PCDHGA2: variants seen among roughly 807,000 people sequenced by gnomAD.
PCDHGA2 encodes protocadherin gamma subfamily A, 2.
PCDHGA2 carries 40 observed loss-of-function variants against 59.2 expected under a neutral mutation model. That is an observed-to-expected ratio of 0.68 (90% CI 0.52 to 0.88). The LOEUF (loss-of-function observed/expected upper bound fraction) is 0.88. Among genes scored for constraint, PCDHGA2 ranks in the 40% least tolerant of loss-of-function variants. The probability of loss-of-function intolerance (pLI) is 0.00; values close to 1 mark genes in which losing one functional copy is unlikely to be tolerated. For missense variants in PCDHGA2, 1,226 were observed against 1,204.0 expected (o/e 1.02, Z -0.27); for synonymous variants, 560 against 526.0 (o/e 1.06, Z -0.89).
intron 1 of PCDHGA2, chr5:141,389,279 T>C: frequency 6.2e-7 from 1 of 1,614,016 alleles, no homozygotes; most frequent in Non-Finnish European, 8.5e-7. Context: ...ACAACCCGCC[T>C]GGAGCCTCTA....
chr5:141,442,414 ACTT>A (rs1258523193), intron 1 of PCDHGA2: 2 of 152,190 alleles, frequency 1.3e-5, no homozygotes, highest in Non-Finnish European at 2.9e-5. Flanking sequence ...GGCTGAGTGA[ACTT>A]CTTTTTTGAA....
chr5:141,355,783 G>T, intron 1 of PCDHGA2: 2 of 1,613,802 alleles, frequency 1.2e-6, no homozygotes, highest in Non-Finnish European at 1.7e-6. Flanking sequence ...CCCAGAGCTG[G>T]TGCTGGAACG....
At chr5:141,380,946 C>T (rs555019785) in intron 1 of PCDHGA2, among the ~76,000 whole-genome samples, 2 of 152,210 alleles carry the variant, frequency 1.3e-5, no homozygotes, top group African/African-American at 2.4e-5. Flanking sequence ...CTTGCCTCAA[C>T]AAGAAGTTCA....
In PCDHGA2 at chr5:141,340,607, G is replaced by A. The variant is rs1756964137; in HGVS notation, c.1636G>A (p.Val546Ile). The change falls in exon 1 of 4, where the codon GTA (valine) becomes ATA (isoleucine). Residue 546 changes from valine to isoleucine, a missense_variant. By Grantham distance (29) the Val-to-Ile change is conservative. Coordinates refer to ENST00000394576, the MANE Select transcript of PCDHGA2 (RefSeq NM_018915.4). ...CGGGAACCCTCCACTCAGTAGCAAT[G>A]TATCATTAAGCCTGTTCGTGCTGGA... Reference protein sequence around the residue: ...DSGNPPLSSNVSLSLFVLDQN... With the variant: ...DSGNPPLSSNISLSLFVLDQN... The A allele has an allele frequency of 6.2e-7, 1 of 1,614,222 alleles. No homozygotes were observed. Among genetic ancestry groups the A allele is most frequent in the East Asian group, 2.2e-5 (1 of 44,862 alleles).
At chr5:141,430,846 C>A in intron 1 of PCDHGA2, 1 of 1,576,344 alleles carries the variant, frequency 6.3e-7, no homozygotes, top group South Asian at 1.2e-5. Context: ...CCGGATGCAC[C>A]CAGATACGCT....
chr5:141,487,475 C>A lies in PCDHGA2; in HGVS notation c.2425-7332C>A. 6.2e-7 allele frequency: 1 copy of A among 1,614,156 alleles called. No individual in the cohort carries two copies. The highest frequency in any genetic ancestry group is 8.5e-7 in the Non-Finnish European group (1 of 1,180,032). On this transcript the variant is annotated intron_variant, in intron 1 of 3. Transcript: ENST00000394576. This position sits in a 1 kb window ranked among gnomAD's most constrained non-coding sequence, Gnocchi z 5.0. ...TATCAAGTTTGTTGATGTGGGAGGC[C>A]ACTCTCATGGCTGTACACCCTTGGC...
In PCDHGA2 at chr5:141,371,998, G is replaced by T. The variant is rs893704391; in HGVS notation, c.2424+30603G>T. ...GCCTTCGAGCTCACTCTGCAGGCCCGCGACCAGGGCTCGCCTACGCTCAGC... is the reference window on the plus strand; with the variant it reads ...GCCTTCGAGCTCACTCTGCAGGCCCTCGACCAGGGCTCGCCTACGCTCAGC... On this transcript the variant is annotated intron_variant, in intron 1 of 3. Transcript: ENST00000394576. The T allele has an allele frequency of 3.1e-6, 5 of 1,613,148 alleles. No homozygotes were observed. In the African/African-American group the frequency reaches 6.7e-5, roughly 22 times the overall value.
At chr5:141,388,471 T>C (rs758013989) in intron 1 of PCDHGA2, 1 of 1,613,844 alleles carries the variant, frequency 6.2e-7, no homozygotes, top group South Asian at 1.1e-5. Context: ...GAGATGGTAT[T>C]GAAGACACCT....
chr5:141,340,760 G>C lies in PCDHGA2; in HGVS notation c.1789G>C (p.Asp597His), dbSNP rs1449752079. 6.2e-7 allele frequency: 1 copy of C among 1,613,890 alleles called. No homozygotes were observed. The highest frequency in any genetic ancestry group is 8.5e-7 in the Non-Finnish European group (1 of 1,180,052). The change falls in exon 1 of 4, where the codon GAC (aspartate) becomes CAC (histidine). Residue 597 changes from aspartate to histidine, a missense_variant. By Grantham distance (81) the Asp-to-His change is moderately conservative. Coordinates refer to ENST00000394576, the MANE Select transcript of PCDHGA2 (RefSeq NM_018915.4). ...GACCAAGGTGGTGGCGGTGGACAGA[G>C]ACTCGGGCCAGAACGCCTGGCTGTC... Reference protein sequence around the residue: ...LVTKVVAVDRDSGQNAWLSYH... With the variant: ...LVTKVVAVDRHSGQNAWLSYH...
Position 141,339,355 on chromosome 5 carries a change from T to A in PCDHGA2, c.384T>A (p.Asp128Glu), listed in dbSNP as rs1196465666. ...SVEVEITDIN[D>E]NAPRFGVEEL... ...AGGTGGAAATAACAGATATTAACGATAATGCCCCTCGCTTTGGAGTAGAGG... is the reference window on the plus strand; with the variant it reads ...AGGTGGAAATAACAGATATTAACGAAAATGCCCCTCGCTTTGGAGTAGAGG... Residue 128 changes from aspartate (D) to glutamate (E), a missense_variant, in exon 1 of 4, where the codon GAT (aspartate) becomes GAA (glutamate). Asp to Glu is a conservative substitution (Grantham distance 45). Transcript: ENST00000394576. The A allele has an allele frequency of 6.2e-7, 1 of 1,614,088 alleles. No individual in the cohort carries two copies. Among genetic ancestry groups the A allele is most frequent in the Non-Finnish European group, 8.5e-7 (1 of 1,180,026 alleles).
At chr5:141,371,321 T>C (rs1767663616) in intron 1 of PCDHGA2, 4 of 1,613,816 alleles carry the variant, frequency 2.5e-6, no homozygotes, top group Non-Finnish European at 3.4e-6. Context: ...AACTGGACTT[T>C]GAAGAGAGAG....
chr5:141,385,520 G>A, intron 1 of PCDHGA2: 1 of 1,359,080 alleles, frequency 7.4e-7, no homozygotes, highest in African/African-American at 1.5e-5. Flanking sequence ...GAAAGCCTAT[G>A]GACAAGATTA....
chr5:141,359,010 G>A (rs1338190636), intron 1 of PCDHGA2, among the ~76,000 whole-genome samples: 1 of 152,238 alleles, frequency 6.6e-6, no homozygotes, highest in Admixed American at 6.5e-5. Context: ...ACAAATTAGT[G>A]TAATTTGATA....
chr5:141,385,150 C>A (rs1780929292), intron 1 of PCDHGA2: 1 of 1,614,104 alleles, frequency 6.2e-7, no homozygotes, highest in South Asian at 1.1e-5. Flanking sequence ...GGCTTTCCTG[C>A]AGACCTATTC....
intron 1 of PCDHGA2, chr5:141,478,636 T>G: frequency 1.3e-6 from 2 of 1,552,744 alleles, no homozygotes; most frequent in South Asian, 2.4e-5. Flanking sequence ...TTTTTAGTGA[T>G]GAAGATGTTT....
intron 1 of PCDHGA2, among the ~76,000 whole-genome samples, chr5:141,347,421 C>T (rs775475714): frequency 1.3e-5 from 2 of 152,048 alleles, no homozygotes; most frequent in Non-Finnish European, 2.9e-5. Flanking sequence ...TCCCAAAGTA[C>T]TGCGATTAGA....
intron 1 of PCDHGA2, chr5:141,345,634 C>G (rs775510751): frequency 1.9e-6 from 3 of 1,614,208 alleles, no homozygotes; most frequent in African/African-American, 1.3e-5. Context: ...CTGGTGACAG[C>G]CAGCGACAGC....
intron 1 of PCDHGA2, among the ~76,000 whole-genome samples, chr5:141,446,961 GA>G (rs1466390366): frequency 2.0e-5 from 3 of 152,070 alleles, no homozygotes; most frequent in Admixed American, 1.3e-4. Context: ...AGCACCCAGG[GA>G]AATTTGCTGT....
At chr5:141,372,216 A>G (rs1768504235) in intron 1 of PCDHGA2, 8 of 1,613,520 alleles carry the variant, frequency 5.0e-6, no homozygotes, top group Non-Finnish European at 5.1e-6. Flanking sequence ...GTCCTACCAC[A>G]TTGTGCAGGC....
Sources: gnomAD v4.1 joint callset for allele counts (sites outside exome capture counted in the v4.1 genomes callset) on GRCh38, gnomAD v4.1.1 for gene constraint, Gnocchi (gnomAD v3.1) non-coding constraint, MANE v1.5 for transcripts, NCBI Gene and HGNC (gene_info 2026-07-23, HGNC 2026-07-21) for gene names.